Variants in CACHD1 observed in about 807,000 individuals in gnomAD.
CACHD1 encodes the protein cache domain containing 1.
In CACHD1, 71 loss-of-function variants were observed where a neutral mutation model predicts 138.7. That is an observed-to-expected ratio of 0.51 (90% CI 0.42 to 0.62). The LOEUF (loss-of-function observed/expected upper bound fraction) is 0.62. Ranked by LOEUF, CACHD1 falls within the 20% of genes least tolerant of loss-of-function variation. The pLI, the probability that CACHD1 is intolerant of heterozygous loss-of-function variation, is 0.00. For synonymous variants in CACHD1, 578 were observed against 591.5 expected, an observed-to-expected ratio of 0.98 and a Z score of 0.33; for missense variants, 1,389 against 1,625.3, an observed-to-expected ratio of 0.85 and a Z score of 2.50.
intron 4 of CACHD1, among the ~76,000 whole-genome samples, chr1:64,620,574 G>A (rs1397104303): frequency 1.3e-5 from 2 of 152,098 alleles, no homozygotes; most frequent in Non-Finnish European, 2.9e-5. Context: ...AGCGATGTTT[G>A]CCATCAAAGA....
At chr1:64,634,602 C>T (rs1372478863) in intron 7 of CACHD1, among the ~76,000 whole-genome samples, 1 of 152,062 alleles carries the variant, frequency 6.6e-6, no homozygotes, top group Non-Finnish European at 1.5e-5. Flanking sequence ...CCTGTCTGAT[C>T]TCAAACTCTT....
chr1:64,654,149 A>G (rs541333335), intron 11 of CACHD1, among the ~76,000 whole-genome samples: 56 of 152,284 alleles, frequency 3.7e-4, no homozygotes, highest in African/African-American at 1.3e-3. Flanking sequence ...GTAAAATCAG[A>G]TATATTTCAT....
intron 1 of CACHD1, among the ~76,000 whole-genome samples, chr1:64,503,195 T>C (rs1646349731): frequency 6.6e-6 from 1 of 152,102 alleles, no homozygotes; most frequent in African/African-American, 2.4e-5. Context: ...GACTGGCTGA[T>C]AGTGGGAGTT....
chr1:64,683,088 T>C (rs961362720), intron 26 of CACHD1, among the ~76,000 whole-genome samples: 2 of 152,022 alleles, frequency 1.3e-5, no homozygotes, highest in Non-Finnish European at 1.5e-5. Flanking sequence ...AATGCAAAAA[T>C]AGATACTCCT....
At chr1:64,653,596 A>G (rs1328904795) in intron 10 of CACHD1, among the ~76,000 whole-genome samples, 162 bp from the exon 11 acceptor site, 5 of 152,174 alleles carry the variant, frequency 3.3e-5, no homozygotes, top group African/African-American at 1.2e-4. Context: ...GTTTTATGTA[A>G]GCACATATAA....
At chr1:64,490,233 G>C (rs1033047352) in intron 1 of CACHD1, among the ~76,000 whole-genome samples, 1 of 152,272 alleles carries the variant, frequency 6.6e-6, no homozygotes, top group African/African-American at 2.4e-5. Flanking sequence ...CCCTCTCTCT[G>C]GTACTGCAGG....
chr1:64,478,483 G>A (rs1441738190), intron 1 of CACHD1, among the ~76,000 whole-genome samples: 2 of 152,210 alleles, frequency 1.3e-5, no homozygotes, highest in African/African-American at 4.8e-5. Context: ...GAGAAGAGAG[G>A]CAGATTGAAG....
At chr1:64,672,988 ACCTGTCTACCTG>A (rs1649864595) in intron 17 of CACHD1, among the ~76,000 whole-genome samples, 158 bp from the exon 18 acceptor site, 1 of 151,844 alleles carries the variant, frequency 6.6e-6, no homozygotes, top group Non-Finnish European at 1.5e-5. Context: ...AAAATCATGT[ACCTGTCTACCTG>A]CCTGCCAGCT....
At chr1:64,528,160 T>A (rs887920017) in intron 1 of CACHD1, among the ~76,000 whole-genome samples, 6 of 152,210 alleles carry the variant, frequency 3.9e-5, no homozygotes, top group Non-Finnish European at 7.3e-5. Context: ...GAGATGGATA[T>A]TATTATCTCA....
At chr1:64,610,484 G>A (rs1647491563) in intron 4 of CACHD1, among the ~76,000 whole-genome samples, 1 of 152,142 alleles carries the variant, frequency 6.6e-6, no homozygotes, top group African/African-American at 2.4e-5. Context: ...GGAGAAATTG[G>A]CCAAAACAAA....
intron 4 of CACHD1, among the ~76,000 whole-genome samples, chr1:64,604,927 A>G (rs1647292207): frequency 6.8e-6 from 1 of 148,088 alleles, no homozygotes; most frequent in South Asian, 2.1e-4. Flanking sequence ...CTGGGATTAC[A>G]GGCATGAGCC....
intron 2 of CACHD1, among the ~76,000 whole-genome samples, chr1:64,551,506 T>C (rs1460083137): frequency 1.3e-5 from 2 of 152,136 alleles, no homozygotes; most frequent in Non-Finnish European, 2.9e-5. Context: ...GAAACTCAAG[T>C]AAAAAACAGA....
chr1:64,515,251 A>C (rs1322923274), intron 1 of CACHD1, among the ~76,000 whole-genome samples: 1 of 152,244 alleles, frequency 6.6e-6, no homozygotes, highest in Non-Finnish European at 1.5e-5. Flanking sequence ...CCAGATACTT[A>C]CAAAAAATAA....
chr1:64,518,238 C>T (rs1243290204), intron 1 of CACHD1, among the ~76,000 whole-genome samples: 2 of 152,008 alleles, frequency 1.3e-5, no homozygotes, highest in African/African-American at 4.8e-5. Flanking sequence ...ACTCTCAGCA[C>T]ACATGGGGAT....
At chr1:64,601,266 G>A (rs1206218340) in intron 3 of CACHD1, among the ~76,000 whole-genome samples, 3 of 152,190 alleles carry the variant, frequency 2.0e-5, no homozygotes, top group Non-Finnish European at 4.4e-5. Context: ...GGAGGGAATA[G>A]ACTTAGTGTG....
chr1:64,568,370 A>G (rs1164118367), intron 2 of CACHD1, among the ~76,000 whole-genome samples: 3 of 152,068 alleles, frequency 2.0e-5, no homozygotes, highest in East Asian at 3.9e-4. Context: ...TTCTGTTAGT[A>G]TGGTTTCCCT....
intron 10 of CACHD1, among the ~76,000 whole-genome samples, chr1:64,653,222 C>A (rs942840919): frequency 6.6e-5 from 10 of 151,924 alleles, no homozygotes; most frequent in African/African-American, 2.4e-4. Context: ...GATACTGAGG[C>A]TACCTAAGGG....
intron 25 of CACHD1, among the ~76,000 whole-genome samples, chr1:64,681,541 G>GTTTTGTTTTT (rs1553146853): frequency 1.5e-5 from 1 of 68,132 alleles, no homozygotes; most frequent in African/African-American, 7.3e-5. Context: ...ATTTTATTGT[G>GTTTTGTTTTT]TTTTTTTTTT....
At chr1:64,543,364 TCAGTGACATAGCGAGATCCTATCTC>T (rs1646691702) in intron 1 of CACHD1, among the ~76,000 whole-genome samples, 1 of 145,586 alleles carries the variant, frequency 6.9e-6, no homozygotes, top group African/African-American at 2.6e-5. Flanking sequence ...GAGACCAATC[TCAGTGACATAGCGAGATCCTATCTC>T]TAAAAAAAAA....
Sources: allele counts gnomAD v4.1 joint callset (sites outside exome capture counted in the v4.1 genomes callset), GRCh38; gene constraint gnomAD v4.1.1; transcripts MANE v1.5; gene names NCBI Gene and HGNC (gene_info 2026-07-23, HGNC 2026-07-21).